NAV1: variants seen among roughly 807,000 people sequenced by gnomAD.
NAV1 encodes the protein pore membrane and/or filament interacting like protein 3.
Under a neutral mutation model 175.2 loss-of-function variants are expected in NAV1, and 18 were observed. The observed-to-expected ratio is 0.10, with a 90% CI of 0.07 to 0.15. The LOEUF (loss-of-function observed/expected upper bound fraction) is 0.15. NAV1 is among the 10% of genes least tolerant of loss of function. The pLI is 1.00. For missense variants in NAV1, 1,731 were observed against 2,436.6 expected (o/e 0.71, Z 6.10); for synonymous variants, 897 against 978.7 (o/e 0.92, Z 1.56).
intron 3 of NAV1, 34 bp from the exon 8 acceptor site, chr1:201,780,387 T>A (rs771049386): frequency 6.2e-7 from 1 of 1,612,840 alleles, no homozygotes; most frequent in Admixed American, 1.7e-5. Flanking sequence ...GGCTTCTGTT[T>A]TAACGATTGA....
At position 201,730,960 on chromosome 1, in the gene NAV1, A is replaced by T. The variant is rs545535451; in HGVS notation, c.1226+12205A>T. ...CAGGGTTGGGGGTCCAAAGATGCTG[A>T]AGGACTGAATGGTGGTCATCTATAT... On this transcript the variant is annotated intron_variant, in intron 3 of 29. Transcript: ENST00000367296. 9.9e-5 allele frequency among the ~76,000 whole-genome samples: 15 copies of T among 152,278 alleles called. No homozygotes were observed. The South Asian group carries it at 2.1e-3, about 21-fold the overall frequency.
At chr1:201,615,845 G>T (rs1454989748) in intron 2 of NAV1, among the ~76,000 whole-genome samples, 1 of 152,128 alleles carries the variant, frequency 6.6e-6, no homozygotes, top group African/African-American at 2.4e-5. Flanking sequence ...GGGTGTTATT[G>T]TGTGAAGCAT....
chr1:201,810,431 G>A lies in NAV1; in HGVS notation c.4562-92G>A. On this transcript the variant is annotated intron_variant, in intron 23 of 29. Transcript: ENST00000367296. The surrounding 1 kb of genome is among the most constrained non-coding windows in gnomAD (Gnocchi z 6.0). ...CAAGTGGCTCTGAGTTTCTTCAGGG[G>A]GCTCCTAGATAAAGAAAGAAAAGCC... 8.2e-7 allele frequency: 1 copy of A among 1,223,724 alleles called. No individual in the cohort carries two copies. Among genetic ancestry groups the A allele is most frequent in the Non-Finnish European group, 1.1e-6 (1 of 878,172 alleles). 75.8% of individuals were successfully genotyped at this position (1,223,724 alleles called of 1,614,324 possible).
exon 2 of NAV1, chr1:201,629,458 T>C (rs753659042): frequency 6.9e-6 from 9 of 1,304,220 alleles, no homozygotes; most frequent in Non-Finnish European, 9.1e-6. Context: ...GGCCCCTTGA[T>C]GGCTATGCTG....
chr1:201,601,901 G>A lies in NAV1; in HGVS notation c.-33+13252G>A, dbSNP rs149250216. ...CATCCCTTTCTACTCCCTCATGGCA[G>A]CCTCAGTGGTGGTGTCGAGGAGGGG... On this transcript the variant is annotated intron_variant, in intron 2 of 33. Transcript: ENST00000685211. Among the ~76,000 whole-genome samples the A allele has an allele frequency of 6.2e-3, 944 of 152,260 alleles. 6 individuals carry two copies. Among genetic ancestry groups the A allele is most frequent in the Admixed American group, 0.011 (166 of 15,284 alleles).
At position 201,718,466 on chromosome 1, in the gene NAV1, C is replaced by G; in HGVS notation, c.937C>G (p.Pro313Ala). The change falls in exon 3 of 30, where the codon CCT becomes GCT. Residue 313 changes from proline (P) to alanine (A), a missense_variant. Transcript: ENST00000367296. The surrounding 1 kb of genome is among the most constrained non-coding windows in gnomAD (Gnocchi z 4.8). ...GTCCAGCCTCTCCAACCGCTCGTCC[C>G]CTCTGTCATGGCGCTATGGCCAGTC... 2 of 1,585,174 alleles carry G rather than the reference C, an allele frequency of 1.3e-6. No individual in the cohort carries two copies. Among genetic ancestry groups the G allele is most frequent in the South Asian group, 1.1e-5 (1 of 88,422 alleles).
At chr1:201,632,366 G>C (rs78565783) in intron 2 of NAV1, among the ~76,000 whole-genome samples, 277 of 152,334 alleles carry the variant, frequency 1.8e-3, no homozygotes, top group African/African-American at 6.2e-3. Flanking sequence ...GAAATGCCCA[G>C]CCCACTGATG....
At chr1:201,809,837 T>A in intron 22 of NAV1, 109 bp from the exon 27 acceptor site, 1 of 1,094,098 alleles carries the variant, frequency 9.1e-7, no homozygotes, top group Non-Finnish European at 1.3e-6. Context: ...AAGCATATGC[T>A]CTGCACTTTC....
chr1:201,645,991 G>A (rs184268610), upstream of NAV1, among the ~76,000 whole-genome samples: 111 of 152,352 alleles, frequency 7.3e-4, no homozygotes, highest in Middle Eastern at 6.8e-3. Context: ...CCTGAAGGAT[G>A]GGGTAGGAAG....
intron 2 of NAV1, among the ~76,000 whole-genome samples, chr1:201,639,596 C>T (rs1668694643): frequency 6.6e-6 from 1 of 152,182 alleles, no homozygotes; most frequent in Non-Finnish European, 1.5e-5. Context: ...CCTCCCTAGC[C>T]CCCTGACTTT....
intron 1 of NAV1, among the ~76,000 whole-genome samples, chr1:201,682,252 C>G (rs1019144624): frequency 6.6e-6 from 1 of 151,936 alleles, no homozygotes; most frequent in Non-Finnish European, 1.5e-5. Context: ...TGCCATTGCA[C>G]TCCAGCCTGG....
At chr1:201,662,982 C>T (rs1669672024) in intron 1 of NAV1, among the ~76,000 whole-genome samples, 1 of 105,878 alleles carries the variant, frequency 9.4e-6, no homozygotes, top group Admixed American at 1.1e-4. Flanking sequence ...TGCCTCTTCA[C>T]ATGCTCTGCA....
exon 7 of NAV1, chr1:201,783,846 T>A (rs747704047): frequency 1.2e-6 from 2 of 1,607,826 alleles, no homozygotes; most frequent in Non-Finnish European, 8.5e-7. Context: ...GCTGGGCAAC[T>A]GGACAGGTAG....
chr1:201,742,850 T>A (rs904303883), intron 3 of NAV1, among the ~76,000 whole-genome samples: 32 of 146,250 alleles, frequency 2.2e-4, no homozygotes, highest in African/African-American at 5.9e-4. Context: ...CCACACTTGC[T>A]GGATTAACCT....
chr1:201,669,654 G>C (rs1262413329), intron 1 of NAV1, among the ~76,000 whole-genome samples: 1 of 152,252 alleles, frequency 6.6e-6, no homozygotes, highest in African/African-American at 2.4e-5. Context: ...GAGTAAGTGA[G>C]AGAGGCAAGA....
At chr1:201,683,626 T>C (rs1670556533) in intron 1 of NAV1, among the ~76,000 whole-genome samples, 1 of 152,198 alleles carries the variant, frequency 6.6e-6, no homozygotes, top group South Asian at 2.1e-4. Context: ...CTGTGTGGCA[T>C]ACTCACCTTC....
At chr1:201,614,458 G>C (rs368790602) in intron 2 of NAV1, among the ~76,000 whole-genome samples, 12 of 152,324 alleles carry the variant, frequency 7.9e-5, no homozygotes, top group Admixed American at 5.2e-4. Flanking sequence ...TCTCCAGACC[G>C]GGGAGAGAGG....
intron 28 of NAV1, among the ~76,000 whole-genome samples, chr1:201,815,002 T>A (rs527465549): frequency 2.1e-3 from 288 of 138,634 alleles, no homozygotes; most frequent in Middle Eastern, 0.012. Flanking sequence ...TCACCGCCAC[T>A]GCACTCCAGC....
chr1:201,760,405 C>G (rs1674768009), intron 3 of NAV1, among the ~76,000 whole-genome samples: 1 of 152,162 alleles, frequency 6.6e-6, no homozygotes, highest in Non-Finnish European at 1.5e-5. Flanking sequence ...GTTTATATAA[C>G]CTGGAAAACA....
Sources: allele counts gnomAD v4.1 joint callset (sites outside exome capture counted in the v4.1 genomes callset), GRCh38; gene constraint gnomAD v4.1.1; non-coding constraint Gnocchi (gnomAD v3.1); transcripts MANE v1.5; gene names NCBI Gene and HGNC (gene_info 2026-07-23, HGNC 2026-07-21).